The following DLG2 variants were observed in gnomAD, a reference collection of about 807,000 sequenced individuals.
DLG2 encodes disks large homolog 2.
In DLG2, 45 loss-of-function variants were observed where a neutral mutation model predicts 132.5. The observed-to-expected ratio is 0.34, with a 90% CI of 0.27 to 0.44. The LOEUF is 0.44. Ranked by LOEUF, DLG2 falls within the 20% of genes least tolerant of loss-of-function variation. The probability of loss-of-function intolerance (pLI) is 1.00; values close to 1 mark genes in which losing one functional copy is unlikely to be tolerated. For synonymous variants in DLG2, 424 were observed against 419.6 expected (o/e 1.01, Z -0.13); for missense variants, 1,045 against 1,196.9 (o/e 0.87, Z 1.87).
chr11:85,322,733 CAA>C (rs1323296589), intron 3 of DLG2, among the ~76,000 whole-genome samples: 7 of 152,242 alleles, frequency 4.6e-5, no homozygotes, highest in South Asian at 4.1e-4. Context: ...TCAGAGACTT[CAA>C]AGTCATCCTT....
At chr11:85,172,397 A>G (rs1172483323) in intron 4 of DLG2, among the ~76,000 whole-genome samples, 1 of 152,240 alleles carries the variant, frequency 6.6e-6, no homozygotes, top group Non-Finnish European at 1.5e-5. Context: ...TGTTAAAAGA[A>G]AAACAAACAG....
At chr11:83,827,222 C>T (rs2053105404) in intron 17 of DLG2, among the ~76,000 whole-genome samples, 2 of 152,040 alleles carry the variant, frequency 1.3e-5, no homozygotes, top group Admixed American at 1.3e-4. Flanking sequence ...GAAGCAACAA[C>T]ACCAGCAGAG....
chr11:85,582,697 A>AAAAAAAAAAAAAAAAAAAAT, intron 3 of DLG2, among the ~76,000 whole-genome samples: 1 of 136,558 alleles, frequency 7.3e-6, no homozygotes, highest in Non-Finnish European at 1.6e-5. Flanking sequence ...AAAAAAAAAA[A>AAAAAAAAAAAAAAAAAAAAT]AAAAAAAACT....
intron 17 of DLG2, among the ~76,000 whole-genome samples, chr11:83,828,819 A>G (rs937594055): frequency 5.9e-5 from 9 of 152,172 alleles, no homozygotes; most frequent in African/African-American, 2.2e-4. Flanking sequence ...GACATGCTGT[A>G]TTTTAAGTGT....
intron 15 of DLG2, among the ~76,000 whole-genome samples, chr11:83,895,983 C>T (rs1596085119): frequency 1.3e-5 from 2 of 152,294 alleles, no homozygotes; most frequent in East Asian, 3.9e-4. Flanking sequence ...AGCAAAAATA[C>T]TCACTTTTAT....
At chr11:85,613,439 T>C (rs954846552) in intron 2 of DLG2, among the ~76,000 whole-genome samples, 1 of 152,078 alleles carries the variant, frequency 6.6e-6, no homozygotes, top group Admixed American at 6.6e-5. Flanking sequence ...CCGACAGCAA[T>C]TGGGGTGTCC....
intron 6 of DLG2, among the ~76,000 whole-genome samples, chr11:84,726,981 A>C (rs1402208638): frequency 6.6e-6 from 1 of 152,152 alleles, no homozygotes; most frequent in Non-Finnish European, 1.5e-5. Context: ...AGTTCCTTGT[A>C]GATTCTGGAT....
chr11:85,524,779 C>A (rs2074609955), intron 3 of DLG2, among the ~76,000 whole-genome samples: 1 of 152,096 alleles, frequency 6.6e-6, no homozygotes, highest in Non-Finnish European at 1.5e-5. Flanking sequence ...GAGGTGTAAG[C>A]CACTGTACCC....
chr11:83,530,080 ATCTG>A (rs372652839), intron 21 of DLG2, among the ~76,000 whole-genome samples: 2,132 of 97,490 alleles, frequency 0.022, 49 homozygotes, highest in African/African-American at 0.081. Flanking sequence ...ATCCAACTCT[ATCTG>A]TCTGTCTGTC....
At chr11:84,688,217 A>T (rs971299169) in intron 6 of DLG2, among the ~76,000 whole-genome samples, 2 of 152,174 alleles carry the variant, frequency 1.3e-5, no homozygotes, top group African/African-American at 4.8e-5. Flanking sequence ...GCCTAATATA[A>T]AGGCCTCTTG....
intron 21 of DLG2, among the ~76,000 whole-genome samples, chr11:83,521,614 T>C (rs777920752): frequency 7.2e-5 from 11 of 152,212 alleles, no homozygotes; most frequent in Non-Finnish European, 1.3e-4. Flanking sequence ...ATTTCCGGTC[T>C]GGACTCTGCC....
chr11:85,482,817 C>A (rs1287562743), intron 3 of DLG2, among the ~76,000 whole-genome samples: 1 of 152,186 alleles, frequency 6.6e-6, no homozygotes, highest in Admixed American at 6.5e-5. Flanking sequence ...CCTGTTCCAG[C>A]AGACCCATGG....
chr11:85,043,035 C>G (rs2062010747), intron 6 of DLG2, among the ~76,000 whole-genome samples: 1 of 151,794 alleles, frequency 6.6e-6, no homozygotes, highest in African/African-American at 2.4e-5. Flanking sequence ...TAAAACCTGA[C>G]ATTACATCGT....
intron 3 of DLG2, among the ~76,000 whole-genome samples, chr11:85,373,971 C>T (rs1370646387): frequency 1.3e-5 from 2 of 152,158 alleles, no homozygotes; most frequent in African/African-American, 4.8e-5. Context: ...TGTAACACGT[C>T]ACTCTGCCCA....
At chr11:85,416,868 T>C (rs1364416873) in intron 3 of DLG2, among the ~76,000 whole-genome samples, 1 of 152,204 alleles carries the variant, frequency 6.6e-6, no homozygotes, top group African/African-American at 2.4e-5. Context: ...TTTCTAAATA[T>C]ACAATAATGT....
intron 3 of DLG2, among the ~76,000 whole-genome samples, chr11:85,493,007 A>T (rs763276974): frequency 8.8e-5 from 13 of 147,508 alleles, no homozygotes; most frequent in African/African-American, 1.2e-4. Flanking sequence ...TCCAAGCTAT[A>T]AAAAAAAAAG....
chr11:85,412,037 A>G (rs2089357422), intron 3 of DLG2, among the ~76,000 whole-genome samples: 1 of 151,792 alleles, frequency 6.6e-6, no homozygotes. Flanking sequence ...CTCAGGTCCA[A>G]TTTGAGCTCT....
At chr11:85,241,898 A>G (rs2075898539) in intron 4 of DLG2, among the ~76,000 whole-genome samples, 1 of 152,126 alleles carries the variant, frequency 6.6e-6, no homozygotes, top group East Asian at 1.9e-4. Context: ...TTTGCAACTG[A>G]TACAACATTT....
In DLG2 at chr11:83,649,262, G is replaced by A. The variant is rs148315895; in HGVS notation, c.1826-15937C>T. 3.9e-3 allele frequency among the ~76,000 whole-genome samples: 592 copies of A among 152,152 alleles called. 6 individuals carry two copies. The highest frequency in any genetic ancestry group is 0.012 in the African/African-American group (508 of 41,504). On this transcript the variant is annotated intron_variant, in intron 18 of 27. Transcript: ENST00000376104. ...TTCCTGCTGGGCATTCTATTTTCCA[G>A]TTCTATGATCAAGCCCAGTGACTGG...
Sources: allele counts gnomAD v4.1 joint callset (sites outside exome capture counted in the v4.1 genomes callset), GRCh38; gene constraint gnomAD v4.1.1; transcripts MANE v1.5; gene names NCBI Gene and HGNC (gene_info 2026-07-23, HGNC 2026-07-21).